The following CDK14 variants were observed in gnomAD, a reference collection of about 807,000 sequenced individuals.
The protein encoded by CDK14 is cyclin dependent kinase 14.
CDK14 carries 34 observed loss-of-function variants against 60.7 expected under a neutral mutation model. The observed-to-expected ratio is 0.56, with a 90% CI of 0.43 to 0.75. CDK14 has a LOEUF of 0.75. CDK14 is among the 30% of genes least tolerant of loss of function. The pLI, the probability that CDK14 is intolerant of heterozygous loss-of-function variation, is 0.00. For missense variants in CDK14, 482 were observed against 564.1 expected (o/e 0.85, Z 1.47); for synonymous variants, 197 against 203.7 (o/e 0.97, Z 0.28).
intron 2 of CDK14, among the ~76,000 whole-genome samples, chr7:90,654,701 A>G (rs1800716856): frequency 6.6e-6 from 1 of 152,198 alleles, no homozygotes; most frequent in Admixed American, 6.6e-5. Context: ...TTCAGTTTAC[A>G]GGAAAATTGA....
intron 10 of CDK14, among the ~76,000 whole-genome samples, chr7:91,038,798 G>A (rs992462731): frequency 1.3e-5 from 2 of 151,934 alleles, no homozygotes; most frequent in Admixed American, 6.5e-5. Context: ...ACATCTGATG[G>A]TTTAAAAAAT....
intron 12 of CDK14, among the ~76,000 whole-genome samples, chr7:91,080,370 C>T (rs977552509): frequency 6.6e-6 from 1 of 152,202 alleles, no homozygotes; most frequent in Non-Finnish European, 1.5e-5. Flanking sequence ...TGGCGAGGAA[C>T]TCATGAAATG....
intron 2 of CDK14, among the ~76,000 whole-genome samples, chr7:90,607,984 C>T (rs576621862): frequency 1.3e-5 from 2 of 152,288 alleles, no homozygotes; most frequent in East Asian, 1.9e-4. Flanking sequence ...GAAGGGGCTA[C>T]ATAATTATTG....
At chr7:91,014,376 G>C (rs1796245122) in intron 10 of CDK14, among the ~76,000 whole-genome samples, 1 of 152,018 alleles carries the variant, frequency 6.6e-6, no homozygotes, top group Non-Finnish European at 1.5e-5. Flanking sequence ...GAAACACAAA[G>C]GTAATCCAGA....
intron 10 of CDK14, among the ~76,000 whole-genome samples, chr7:91,036,193 C>T (rs1474929958): frequency 6.6e-6 from 1 of 152,170 alleles, no homozygotes; most frequent in African/African-American, 2.4e-5. Context: ...GGGCAGCAGT[C>T]TGACATGAGG....
At chr7:90,984,794 A>G (rs1054424585) in intron 10 of CDK14, among the ~76,000 whole-genome samples, 2 of 152,154 alleles carry the variant, frequency 1.3e-5, no homozygotes, top group Admixed American at 6.5e-5. Flanking sequence ...TTCCTCCCCA[A>G]ACCATAGCCC....
At chr7:91,170,167 TG>T (rs1801472845) in intron 14 of CDK14, among the ~76,000 whole-genome samples, 1 of 152,256 alleles carries the variant, frequency 6.6e-6, no homozygotes, top group Admixed American at 6.5e-5. Flanking sequence ...AGTGATGCTA[TG>T]ATAAGTTGTT....
intron 14 of CDK14, among the ~76,000 whole-genome samples, chr7:91,138,228 C>G (rs967181819): frequency 6.6e-6 from 1 of 152,096 alleles, no homozygotes; most frequent in Non-Finnish European, 1.5e-5. Flanking sequence ...TGTATGAAGG[C>G]TTTATCTTTT....
chr7:90,901,689 T>TATACAC (rs375384931), intron 7 of CDK14, among the ~76,000 whole-genome samples: 61 of 150,120 alleles, frequency 4.1e-4, no homozygotes, highest in African/African-American at 1.3e-3. Flanking sequence ...TATATATATA[T>TATACAC]ACACACACAC....
intron 8 of CDK14, among the ~76,000 whole-genome samples, chr7:90,934,691 T>C (rs1452897937): frequency 6.6e-6 from 1 of 152,222 alleles, no homozygotes; most frequent in African/African-American, 2.4e-5. Flanking sequence ...AGCTTTAAGT[T>C]ATGGTTTTAA....
chr7:91,096,917 GAATC>G lies in CDK14; in HGVS notation c.1155-15622_1155-15619del, dbSNP rs1229620516. Among the ~76,000 whole-genome samples, 10 of 152,230 alleles carry G rather than the reference GAATC, an allele frequency of 6.6e-5. No individual in the cohort carries two copies. In the East Asian group the frequency reaches 1.9e-3, roughly 29 times the overall value. On this transcript the variant is annotated intron_variant, in intron 12 of 14. Coordinates refer to ENST00000380050, the MANE Select transcript of CDK14 (RefSeq NM_001287135.2). Reference sequence around the variant, plus strand: ...AAGAGAATATTAAGTGGCAAAGTGAGAATCAAAGTAAACAGCCCAAGTAAAAGAA... The same window carrying G: ...AAGAGAATATTAAGTGGCAAAGTGAGAAAGTAAACAGCCCAAGTAAAAGAA...
chr7:90,757,424 A>G (rs1272882192), intron 4 of CDK14, among the ~76,000 whole-genome samples: 1 of 152,098 alleles, frequency 6.6e-6, no homozygotes, highest in Non-Finnish European at 1.5e-5. Context: ...CTTTTTGAAC[A>G]GTTCAATCCA....
intron 7 of CDK14, among the ~76,000 whole-genome samples, chr7:90,906,896 T>TAG (rs1264056708): frequency 6.6e-6 from 1 of 152,116 alleles, no homozygotes; most frequent in Admixed American, 6.6e-5. Flanking sequence ...AGCCCTGGAA[T>TAG]AGACTCATTT....
At chr7:90,990,540 T>C (rs1043346711) in intron 10 of CDK14, among the ~76,000 whole-genome samples, 2 of 152,188 alleles carry the variant, frequency 1.3e-5, no homozygotes, top group Non-Finnish European at 2.9e-5. Context: ...GAAAAATCTT[T>C]TTCAGAGAAT....
intron 14 of CDK14, among the ~76,000 whole-genome samples, chr7:91,130,203 T>G (rs1373233355): frequency 6.6e-6 from 1 of 152,178 alleles, no homozygotes; most frequent in Non-Finnish European, 1.5e-5. Flanking sequence ...GAAACATATT[T>G]GTGAACCCAA....
In CDK14 at chr7:90,726,730, A is replaced by G; in HGVS notation, c.287A>G (p.Glu96Gly). 1.2e-6 allele frequency: 2 copies of G among 1,613,892 alleles called. No homozygotes were observed. The highest frequency in any genetic ancestry group is 1.7e-6 in the Non-Finnish European group (2 of 1,179,830). ...PANQVKRVHS[E>G]NNACINFKTS... ...AATCAAGTAAAGAGGGTGCATTCTG[A>G]GAACAATGCTTGCATTAACTTTAAG... is the stretch of plus-strand genomic sequence containing the variant. Residue 96 changes from glutamate (E) to glycine (G), a missense_variant, in exon 3 of 15, where the codon GAG becomes GGG. Coordinates refer to ENST00000380050, the MANE Select transcript of CDK14 (RefSeq NM_001287135.2).
At chr7:91,060,100 A>G (rs1029885643) in intron 11 of CDK14, among the ~76,000 whole-genome samples, 5 of 152,176 alleles carry the variant, frequency 3.3e-5, no homozygotes, top group African/African-American at 9.7e-5. Flanking sequence ...TATTGGGTGC[A>G]TATATATTTA....
At chr7:90,629,084 T>C (rs1799937518) in intron 2 of CDK14, among the ~76,000 whole-genome samples, 1 of 152,038 alleles carries the variant, frequency 6.6e-6, no homozygotes, top group Admixed American at 6.6e-5. Context: ...TTTATATATA[T>C]TTTTTTAAAT....
At chr7:90,604,193 T>C in intron 1 of CDK14, 25 bp from the exon 2 acceptor site, 1 of 1,489,904 alleles carries the variant, frequency 6.7e-7, no homozygotes, top group East Asian at 2.3e-5. Flanking sequence ...ACAATAACTG[T>C]TTCCTTTTCC....
Sources: allele counts gnomAD v4.1 joint callset (sites outside exome capture counted in the v4.1 genomes callset), GRCh38; gene constraint gnomAD v4.1.1; transcripts MANE v1.5; gene names NCBI Gene and HGNC (gene_info 2026-07-23, HGNC 2026-07-21).